Variants in NEK10 observed in about 807,000 individuals in gnomAD.
NEK10 encodes NIMA related kinase 10.
Under a neutral mutation model 159.8 loss-of-function variants are expected in NEK10, and 122 were observed. The observed-to-expected ratio is 0.76, with a 90% CI of 0.66 to 0.89. NEK10 has a LOEUF of 0.89. Among genes scored for constraint, NEK10 ranks in the 40% least tolerant of loss-of-function variants. The probability of loss-of-function intolerance (pLI) is 0.00; values close to 1 mark genes in which losing one functional copy is unlikely to be tolerated. For synonymous variants in NEK10, 466 were observed against 457.1 expected (o/e 1.02, Z -0.25); for missense variants, 1,342 against 1,323.1 (o/e 1.01, Z -0.22).
At chr3:27,151,597 T>C (rs186801361) in intron 30 of NEK10, among the ~76,000 whole-genome samples, 1 of 152,106 alleles carries the variant, frequency 6.6e-6, no homozygotes, top group Non-Finnish European at 1.5e-5. Context: ...AAAACAAGGC[T>C]CTGTAACACC....
chr3:27,313,467 T>C (rs2044875432), intron 7 of NEK10, among the ~76,000 whole-genome samples: 1 of 152,116 alleles, frequency 6.6e-6, no homozygotes, highest in Non-Finnish European at 1.5e-5. Flanking sequence ...ATCATTTTCT[T>C]GTTTGAAAAT....
At chr3:27,118,007 A>G (rs1285386370) in intron 33 of NEK10, among the ~76,000 whole-genome samples, 1 of 152,172 alleles carries the variant, frequency 6.6e-6, no homozygotes, top group South Asian at 2.1e-4. Context: ...AGGTGTAAGG[A>G]AGGGGCCCAG....
At chr3:27,157,977 T>C (rs1403286254) in intron 30 of NEK10, among the ~76,000 whole-genome samples, 2 of 152,200 alleles carry the variant, frequency 1.3e-5, no homozygotes, top group African/African-American at 4.8e-5. Context: ...ATAGTATATA[T>C]ATTTTTAGAC....
Position 27,111,427 on chromosome 3 carries a change from T to C in NEK10, c.3300-107A>G, listed in dbSNP as rs186673411. ...AGGCATATAAGTAAATAAATCACAGTAAATAAAAAGACGATTATTTTTGTT... is the reference window on the plus strand; with the variant it reads ...AGGCATATAAGTAAATAAATCACAGCAAATAAAAAGACGATTATTTTTGTT... On this transcript the variant is annotated intron_variant, in intron 35 of 35. Transcript: ENST00000691995. 2.9e-5 allele frequency: 24 copies of C among 825,648 alleles called. No homozygotes were observed. The African/African-American group carries it at 3.6e-4, about 12-fold the overall frequency. The allele number at this position is 825,648 out of a possible 1,614,324, so 51.1% of individuals were successfully genotyped here.
At chr3:27,164,439 C>A (rs1014407070) in intron 29 of NEK10, among the ~76,000 whole-genome samples, 3 of 152,204 alleles carry the variant, frequency 2.0e-5, no homozygotes, top group Non-Finnish European at 4.4e-5. Flanking sequence ...TTTAAGTTTT[C>A]TGGTAGCCAC....
At chr3:27,263,751 C>T (rs911497347) in intron 22 of NEK10, among the ~76,000 whole-genome samples, 3 of 152,174 alleles carry the variant, frequency 2.0e-5, no homozygotes, top group Admixed American at 6.5e-5. Context: ...AATTCCCTGA[C>T]CCCTTACACT....
Position 27,360,912 on chromosome 3 carries a change from T to C in NEK10, c.-37-7993A>G, listed in dbSNP as rs533317516. Among the ~76,000 whole-genome samples the C allele has an allele frequency of 6.6e-5, 10 of 152,286 alleles. No homozygotes were observed. In the South Asian group the frequency reaches 1.9e-3, roughly 28 times the overall value. On this transcript the variant is annotated intron_variant, in intron 1 of 35. Coordinates refer to ENST00000691995, the MANE Select transcript of NEK10 (RefSeq NM_001394966.1). ...CGCAAATAGTCAATACTTTAAGCAA[T>C]TTTCTATTTTATATGTAAACAAGCA...
At chr3:27,193,237 TA>T (rs1324521107) in intron 25 of NEK10, among the ~76,000 whole-genome samples, 1 of 152,210 alleles carries the variant, frequency 6.6e-6, no homozygotes, top group Non-Finnish European at 1.5e-5. Flanking sequence ...CCTTCCCCTG[TA>T]ATCCCACAGC....
chr3:27,160,278 A>G (rs775896505), intron 30 of NEK10, among the ~76,000 whole-genome samples: 8 of 152,186 alleles, frequency 5.3e-5, no homozygotes, highest in Non-Finnish European at 8.8e-5. Context: ...TCACTTCTCT[A>G]TACTTTAGTT....
intron 6 of NEK10, among the ~76,000 whole-genome samples, chr3:27,317,037 A>G (rs1337096111): frequency 6.6e-6 from 1 of 152,234 alleles, no homozygotes; most frequent in East Asian, 1.9e-4. Context: ...AAGTGCTGCT[A>G]TAGAGTAGAA....
rs940743294 is a variant in NEK10 at position 27,285,008 on chromosome 3, G to C, written c.1790-47C>G. The C allele has an allele frequency of 6.1e-6, 9 of 1,485,760 alleles. No homozygotes were observed. The African/African-American group carries it at 1.1e-4, about 19-fold the overall frequency. The allele number at this position is 1,485,760 out of a possible 1,614,324, so 92.0% of individuals were successfully genotyped here. ...TCACAGAAATTTAAACTCAATACAG[G>C]CATCTTGAAAAACTTTACGAATGAG... On this transcript the variant is annotated intron_variant, in intron 20 of 35. Transcript: ENST00000691995.
intron 5 of NEK10, among the ~76,000 whole-genome samples, chr3:27,342,708 C>T (rs1366333714): frequency 6.6e-6 from 1 of 151,988 alleles, no homozygotes; most frequent in Non-Finnish European, 1.5e-5. Flanking sequence ...AACCAGTGCC[C>T]GGTTATTTTC....
At chr3:27,343,580 T>A (rs571170798) in intron 5 of NEK10, among the ~76,000 whole-genome samples, 2 of 152,310 alleles carry the variant, frequency 1.3e-5, no homozygotes, top group Admixed American at 6.5e-5. Flanking sequence ...CAAGACCCTA[T>A]AATGACACAC....
chr3:27,298,758 G>A (rs938565181), intron 13 of NEK10, among the ~76,000 whole-genome samples: 3 of 152,142 alleles, frequency 2.0e-5, no homozygotes, highest in Non-Finnish European at 4.4e-5. Flanking sequence ...GGAAATTGTT[G>A]GTAACTGGAG....
Position 27,304,982 on chromosome 3 carries a change from T to A in NEK10, c.804-11A>T. On this transcript the variant is annotated splice_polypyrimidine_tract_variant and intron_variant, in intron 11 of 35. Coordinates refer to ENST00000691995, the MANE Select transcript of NEK10 (RefSeq NM_001394966.1). ...AACTCCGCTGTTAGTCTGAAAGGGG[T>A]ACAGAGGGTGGGGTGAGAATCACAG... The A allele has an allele frequency of 6.4e-7, 1 of 1,557,956 alleles. No homozygotes were observed. Among genetic ancestry groups the A allele is most frequent in the South Asian group, 1.1e-5 (1 of 89,274 alleles).
Position 27,119,795 on chromosome 3 carries a change from G to C in NEK10, c.3155C>G (p.Ser1052Cys), listed in dbSNP as rs761242232. The C allele has an allele frequency of 1.2e-5, 19 of 1,613,822 alleles. No homozygotes were observed. Among genetic ancestry groups the C allele is most frequent in the Non-Finnish European group, 1.6e-5 (19 of 1,179,888 alleles). The change falls in exon 33 of 36, where the codon TCC becomes TGC. Residue 1052 changes from serine to cysteine, a missense_variant. By Grantham distance (112) the Ser-to-Cys change is moderately radical. Coordinates refer to ENST00000691995, the MANE Select transcript of NEK10 (RefSeq NM_001394966.1). ...ATTTGGGGACAGGCTGTTTCCACCG[G>C]ATGAACGATGTAATAAATGGTAATC... ...TADYHLLHRS[S>C]GGNSLSPNDP... is the part of the protein sequence containing the mutation.
At chr3:27,169,800 C>T (rs1039029894) in intron 29 of NEK10, among the ~76,000 whole-genome samples, 1 of 152,174 alleles carries the variant, frequency 6.6e-6, no homozygotes, top group Non-Finnish European at 1.5e-5. Flanking sequence ...CTGCTCCCTT[C>T]AGCAAGCACC....
chr3:27,201,012 T>C (rs1192366009), intron 25 of NEK10, among the ~76,000 whole-genome samples: 3 of 152,160 alleles, frequency 2.0e-5, no homozygotes, highest in Admixed American at 6.5e-5. Flanking sequence ...ATAATGACTT[T>C]CATTAAACTC....
intron 23 of NEK10, chr3:27,255,385 T>C (rs1003408492): frequency 1.1e-5 from 3 of 279,466 alleles, no homozygotes; most frequent in Non-Finnish European, 2.2e-5. Context: ...TGAACACTTC[T>C]GCATGAAAGG....
Sources: gnomAD v4.1 joint callset for allele counts (sites outside exome capture counted in the v4.1 genomes callset) on GRCh38, gnomAD v4.1.1 for gene constraint, MANE v1.5 for transcripts, NCBI Gene and HGNC (gene_info 2026-07-23, HGNC 2026-07-21) for gene names.